Variants in CSMD1 observed in about 807,000 individuals in gnomAD.
CSMD1 encodes CUB and Sushi multiple domains 1.
A neutral mutation model predicts 417.5 loss-of-function variants in CSMD1; 213 were observed. The ratio of observed to expected loss-of-function variants is 0.51; its 90% CI spans 0.46 to 0.57. The LOEUF is 0.57. Among genes scored for constraint, CSMD1 ranks in the 20% least tolerant of loss-of-function variants. The pLI is 0.00. For missense variants in CSMD1, 6,923 were observed against 4,529.7 expected, an observed-to-expected ratio of 1.53 and a Z score of -15.17; for synonymous variants, 2,862 against 1,736.8, an observed-to-expected ratio of 1.65 and a Z score of -16.11.
chr8:4,232,746 T>A (rs1347719431), intron 3 of CSMD1, among the ~76,000 whole-genome samples: 3 of 152,200 alleles, frequency 2.0e-5, no homozygotes, highest in African/African-American at 7.2e-5. Context: ...ATTGCCTTAA[T>A]TCACTGCTAT....
chr8:3,133,948 G>A (rs1817935423), intron 41 of CSMD1, among the ~76,000 whole-genome samples: 2 of 152,194 alleles, frequency 1.3e-5, no homozygotes, highest in Admixed American at 1.3e-4. Flanking sequence ...GCCGAGGCAG[G>A]CAGATCGGAT....
chr8:3,445,696 G>A (rs1462271125), intron 12 of CSMD1, among the ~76,000 whole-genome samples: 4 of 152,108 alleles, frequency 2.6e-5, no homozygotes, highest in African/African-American at 9.7e-5. Context: ...GAGGAAACAA[G>A]GCCATGTAGC....
intron 7 of CSMD1, among the ~76,000 whole-genome samples, chr8:3,680,099 G>A (rs1393709030): frequency 1.3e-5 from 2 of 151,798 alleles, no homozygotes; most frequent in African/African-American, 2.4e-5. Flanking sequence ...ACCTATAATC[G>A]ACACCATAAC....
rs560836601 is a variant in CSMD1 at position 4,029,325 on chromosome 8, A to G, written c.610+2580T>C. Among the ~76,000 whole-genome samples, 19 of 152,340 alleles carry G rather than the reference A, an allele frequency of 1.2e-4. No individual in the cohort carries two copies. The South Asian group carries it at 3.7e-3, about 30-fold the overall frequency. On this transcript the variant is annotated intron_variant, in intron 4 of 69. Coordinates refer to ENST00000635120, the MANE Select transcript of CSMD1 (RefSeq NM_033225.6). ...TCACGCTGGTGATAATGCATACCCA[A>G]GAATGGGCAATTTACAAAAGAGAGG...
intron 45 of CSMD1, 116 bp downstream of exon 45, chr8:3,107,602 G>GTTTTTC (rs1816234501): frequency 1.5e-6 from 1 of 665,634 alleles, no homozygotes; most frequent in Non-Finnish European, 2.6e-6. Context: ...CTTTGTTTCT[G>GTTTTTC]TTTTTGTTTC....
At chr8:4,503,362 T>C (rs763346737) in intron 2 of CSMD1, among the ~76,000 whole-genome samples, 1 of 152,134 alleles carries the variant, frequency 6.6e-6, no homozygotes, top group African/African-American at 2.4e-5. Context: ...ATGCCTACCA[T>C]CATACTCAAC....
chr8:3,418,183 C>T (rs553352774), intron 12 of CSMD1, among the ~76,000 whole-genome samples: 41 of 152,190 alleles, frequency 2.7e-4, no homozygotes, highest in Non-Finnish European at 5.9e-5. Flanking sequence ...TAAGATGGAG[C>T]GGGAACTACA....
At chr8:3,909,177 T>G (rs762335589) in intron 5 of CSMD1, among the ~76,000 whole-genome samples, 16 of 152,304 alleles carry the variant, frequency 1.1e-4, no homozygotes, top group Admixed American at 5.2e-4. Flanking sequence ...GGTCAGGCTG[T>G]AGCTAAGATT....
At chr8:3,505,578 C>G (rs1399462482) in intron 10 of CSMD1, among the ~76,000 whole-genome samples, 2 of 152,072 alleles carry the variant, frequency 1.3e-5, no homozygotes, top group Non-Finnish European at 2.9e-5. Context: ...ACTAACAACA[C>G]CAGAAGAATT....
chr8:3,979,943 A>T (rs181281777), intron 5 of CSMD1, among the ~76,000 whole-genome samples: 1 of 152,240 alleles, frequency 6.6e-6, no homozygotes, highest in Admixed American at 6.5e-5. Flanking sequence ...AATATGAACT[A>T]TAGCTTCAGC....
chr8:3,816,655 A>G (rs188221786), intron 5 of CSMD1, among the ~76,000 whole-genome samples: 1 of 152,316 alleles, frequency 6.6e-6, no homozygotes, highest in Non-Finnish European at 1.5e-5. Context: ...AACATAAAGG[A>G]AAAACAAATA....
chr8:3,077,696 AC>A (rs1246444323), intron 49 of CSMD1, among the ~76,000 whole-genome samples: 5 of 151,924 alleles, frequency 3.3e-5, no homozygotes, highest in African/African-American at 7.3e-5. Flanking sequence ...TGCAGCCCCG[AC>A]CCCGGCTTGC....
At chr8:3,314,073 G>T (rs985109632) in intron 23 of CSMD1, among the ~76,000 whole-genome samples, 1 of 151,014 alleles carries the variant, frequency 6.6e-6, no homozygotes, top group Non-Finnish European at 1.5e-5. Context: ...TGAACAATGA[G>T]AACACATGGA....
chr8:4,929,580 G>T (rs745942358), intron 1 of CSMD1, among the ~76,000 whole-genome samples: 2 of 152,134 alleles, frequency 1.3e-5, no homozygotes, highest in African/African-American at 4.8e-5. Context: ...TAGTCTCAAG[G>T]TGTGTTCAGT....
rs566056794 is a variant in CSMD1, at chr8:3,798,177, A to G, written c.819-44135T>C. ...TATGTAGTCTTTTATTAGATAAAAC[A>G]ATTTTTAACATTTTCCGCTACAGAG... On this transcript the variant is annotated intron_variant, in intron 5 of 69. Coordinates refer to ENST00000635120, the MANE Select transcript of CSMD1 (RefSeq NM_033225.6). Among the ~76,000 whole-genome samples, 5 of 152,154 alleles carry G rather than the reference A, an allele frequency of 3.3e-5. No homozygotes were observed. In the East Asian group the frequency reaches 9.7e-4, roughly 29 times the overall value.
chr8:4,659,350 T>A (rs1377618456), intron 1 of CSMD1, among the ~76,000 whole-genome samples: 1 of 151,964 alleles, frequency 6.6e-6, no homozygotes, highest in Non-Finnish European at 1.5e-5. Flanking sequence ...GCAGGTAAAA[T>A]GAAATATTAA....
At chr8:4,165,920 A>G (rs79407470) in intron 3 of CSMD1, among the ~76,000 whole-genome samples, 5 of 152,218 alleles carry the variant, frequency 3.3e-5, no homozygotes, top group Admixed American at 3.3e-4. Flanking sequence ...ATATATATAT[A>G]CTGGATAAAC....
At chr8:4,031,556 G>C (rs576652178) in intron 4 of CSMD1, among the ~76,000 whole-genome samples, 14 of 152,234 alleles carry the variant, frequency 9.2e-5, no homozygotes, top group Admixed American at 3.3e-4. Context: ...TTCAACATGA[G>C]GTTTGGGTGA....
At chr8:3,301,891 CAT>C (rs899386808) in intron 25 of CSMD1, among the ~76,000 whole-genome samples, 4 of 152,062 alleles carry the variant, frequency 2.6e-5, no homozygotes, top group African/African-American at 7.2e-5. Flanking sequence ...AGAAAGGAAA[CAT>C]AAAGAGATGG....
Sources: allele counts gnomAD v4.1 joint callset (sites outside exome capture counted in the v4.1 genomes callset), GRCh38; gene constraint gnomAD v4.1.1; transcripts MANE v1.5; gene names NCBI Gene and HGNC (gene_info 2026-07-23, HGNC 2026-07-21).